The following GSK3B variants were observed in gnomAD, a reference collection of about 807,000 sequenced individuals.
The protein encoded by GSK3B is glycogen synthase kinase-3 beta.
A neutral mutation model predicts 56.4 loss-of-function variants in GSK3B; 15 were observed. The ratio of observed to expected loss-of-function variants is 0.27; its 90% CI spans 0.18 to 0.41. The LOEUF is 0.41. Among genes scored for constraint, GSK3B ranks in the 10% least tolerant of loss-of-function variants. The pLI, the probability that GSK3B is intolerant of heterozygous loss-of-function variation, is 1.00. For synonymous variants in GSK3B, 181 were observed against 188.9 expected (o/e 0.96, Z 0.34); for missense variants, 300 against 513.4 (o/e 0.58, Z 4.02).
chr3:120,026,556 C>CAA (rs1470396336), intron 1 of GSK3B, among the ~76,000 whole-genome samples: 1 of 145,582 alleles, frequency 6.9e-6, no homozygotes, highest in African/African-American at 2.7e-5. Flanking sequence ...CACACACAAA[C>CAA]ACACACACAC....
intron 2 of GSK3B, among the ~76,000 whole-genome samples, chr3:119,970,260 T>C (rs1221282807): frequency 6.6e-6 from 1 of 152,168 alleles, no homozygotes; most frequent in African/African-American, 2.4e-5. Context: ...GGGGAAACAA[T>C]TCAATCTTTT....
chr3:120,073,220 A>T (rs1008868107), intron 1 of GSK3B, among the ~76,000 whole-genome samples: 116 of 76,278 alleles, frequency 1.5e-3, no homozygotes, highest in African/African-American at 5.0e-3. Context: ...AAAAAAAATT[A>T]AAAAAAAAAA....
chr3:120,063,448 C>T (rs537143511), intron 1 of GSK3B, among the ~76,000 whole-genome samples: 3 of 152,236 alleles, frequency 2.0e-5, no homozygotes, highest in South Asian at 2.1e-4. Context: ...CAGTGCTGGC[C>T]GGGTGCAGTG....
chr3:119,995,945 C>G (rs1576257136), intron 2 of GSK3B, among the ~76,000 whole-genome samples: 1 of 152,100 alleles, frequency 6.6e-6, no homozygotes, highest in East Asian at 1.9e-4. Flanking sequence ...GCCATGTTGG[C>G]CAGGCTGGTC....
At chr3:119,932,319 T>C (rs1005357618) in intron 3 of GSK3B, among the ~76,000 whole-genome samples, 2 of 152,214 alleles carry the variant, frequency 1.3e-5, no homozygotes, top group African/African-American at 4.8e-5. Context: ...TACGCCAGGC[T>C]GGCTAGAGAT....
intron 3 of GSK3B, among the ~76,000 whole-genome samples, chr3:119,935,304 C>A (rs2056983296): frequency 6.6e-6 from 1 of 151,974 alleles, no homozygotes; most frequent in South Asian, 2.1e-4. Flanking sequence ...TCACTTCTAT[C>A]AGTAATTTTC....
chr3:120,075,536 G>A (rs374351979), intron 1 of GSK3B, among the ~76,000 whole-genome samples: 97 of 152,288 alleles, frequency 6.4e-4, no homozygotes, highest in African/African-American at 2.2e-3. Flanking sequence ...ATTTAGTAAA[G>A]TTGTAGGATA....
At chr3:119,833,298 C>T (rs1448480948) in intron 10 of GSK3B, among the ~76,000 whole-genome samples, 2 of 152,086 alleles carry the variant, frequency 1.3e-5, no homozygotes, top group South Asian at 2.1e-4. Context: ...GAGGAGAAGA[C>T]AGAAAATAAA....
intron 8 of GSK3B, among the ~76,000 whole-genome samples, chr3:119,865,426 C>A (rs2056163107): frequency 9.8e-6 from 1 of 102,556 alleles, no homozygotes; most frequent in Admixed American, 1.2e-4. Context: ...GTATTATAAG[C>A]TTATTTCCGA....
intron 1 of GSK3B, among the ~76,000 whole-genome samples, chr3:120,088,893 T>G (rs2058487971): frequency 6.6e-6 from 1 of 152,214 alleles, no homozygotes; most frequent in Non-Finnish European, 1.5e-5. Flanking sequence ...GGGTCTTATT[T>G]AAAAGTATGG....
At chr3:120,072,027 C>T (rs1432844041) in intron 1 of GSK3B, among the ~76,000 whole-genome samples, 2 of 152,212 alleles carry the variant, frequency 1.3e-5, no homozygotes, top group Non-Finnish European at 2.9e-5. Flanking sequence ...ATCAGGTTTA[C>T]TTACTGAATA....
intron 6 of GSK3B, among the ~76,000 whole-genome samples, chr3:119,907,778 C>G (rs1576190820): frequency 6.6e-6 from 1 of 152,168 alleles, no homozygotes; most frequent in East Asian, 1.9e-4. Flanking sequence ...AACGACTTGC[C>G]CAAGGTAAAG....
intron 1 of GSK3B, among the ~76,000 whole-genome samples, chr3:120,066,970 G>A (rs868536083): frequency 6.6e-6 from 1 of 151,972 alleles, no homozygotes; most frequent in African/African-American, 2.4e-5. Flanking sequence ...ATTATCTTGG[G>A]CCACACAAAT....
At chr3:119,870,372 G>A (rs1373267094) in intron 8 of GSK3B, among the ~76,000 whole-genome samples, 1 of 152,134 alleles carries the variant, frequency 6.6e-6, no homozygotes, top group Non-Finnish European at 1.5e-5. Context: ...ATGGTACCCA[G>A]CACAGCACTG....
chr3:120,077,861 G>A (rs1482026931), intron 1 of GSK3B, among the ~76,000 whole-genome samples: 1 of 151,954 alleles, frequency 6.6e-6, no homozygotes, highest in East Asian at 1.9e-4. Context: ...CAAGTCTGGA[G>A]GGCCTGGGAT....
At chr3:120,035,589 T>C (rs750581451) in intron 1 of GSK3B, among the ~76,000 whole-genome samples, 1 of 152,246 alleles carries the variant, frequency 6.6e-6, no homozygotes, top group South Asian at 2.1e-4. Flanking sequence ...ATTTAAACAA[T>C]ATTAAGTCTT....
chr3:119,837,943 C>CATATATATATATATATAT (rs10574860), intron 10 of GSK3B, among the ~76,000 whole-genome samples: 1 of 138,598 alleles, frequency 7.2e-6, no homozygotes. Context: ...TGACCATTCA[C>CATATATATATATATATAT]ATATATATAT....
intron 2 of GSK3B, among the ~76,000 whole-genome samples, chr3:119,989,502 G>C (rs113346074): frequency 6.6e-6 from 1 of 151,804 alleles, no homozygotes; most frequent in Admixed American, 6.6e-5. Context: ...AAAATTAGCC[G>C]GGCGTACAGG....
chr3:119,887,043 G>C (rs1052073981), intron 7 of GSK3B, among the ~76,000 whole-genome samples: 1 of 152,098 alleles, frequency 6.6e-6, no homozygotes, highest in African/African-American at 2.4e-5. Context: ...GTTAATAACA[G>C]AGGTCTTTAG....
Sources: allele counts gnomAD v4.1 joint callset (sites outside exome capture counted in the v4.1 genomes callset), GRCh38; gene constraint gnomAD v4.1.1; transcripts MANE v1.5; gene names NCBI Gene and HGNC (gene_info 2026-07-23, HGNC 2026-07-21).